SCYL2: variants seen among roughly 807,000 people sequenced by gnomAD.
SCYL2 encodes the protein SCY1 like pseudokinase 2.
Under a neutral mutation model 100.4 loss-of-function variants are expected in SCYL2, and 36 were observed. The observed-to-expected ratio is 0.36, with a 90% CI of 0.27 to 0.47. The LOEUF (loss-of-function observed/expected upper bound fraction) is 0.47, where lower values mean the gene tolerates loss of function less well. Among genes scored for constraint, SCYL2 ranks in the 20% least tolerant of loss-of-function variants. The pLI, the probability that SCYL2 is intolerant of heterozygous loss-of-function variation, is 1.00. For synonymous variants in SCYL2, 330 were observed against 359.2 expected (o/e 0.92, Z 0.92); for missense variants, 902 against 1,083.9 (o/e 0.83, Z 2.36).
At chr12:100,305,276 C>G (rs1202719235) in intron 4 of SCYL2, among the ~76,000 whole-genome samples, 3 of 152,156 alleles carry the variant, frequency 2.0e-5, no homozygotes, top group South Asian at 2.1e-4. Flanking sequence ...TCAGCAAATG[C>G]AAAAGAATGG....
At chr12:100,287,934 G>A (rs2096306190) in intron 2 of SCYL2, among the ~76,000 whole-genome samples, 1 of 152,192 alleles carries the variant, frequency 6.6e-6, no homozygotes, top group Admixed American at 6.5e-5. Flanking sequence ...GAGTTCTGTG[G>A]TAGATACAGA....
In SCYL2 at chr12:100,267,408, G is replaced by A. The variant is rs1299787495; in HGVS notation, c.-413G>A. On this transcript the variant is annotated 5_prime_UTR_variant, in exon 1 of 18. Coordinates refer to ENST00000360820, the MANE Select transcript of SCYL2 (RefSeq NM_017988.6). ...GGAAGAAGGAAGAGGTAAGTGACCG[G>A]CCGCCGGCACCGACCGACCTCCCTC... 1.4e-5 allele frequency: 3 copies of A among 212,630 alleles called. No homozygotes were observed. The highest frequency in any genetic ancestry group is 1.1e-4 in the East Asian group (1 of 8,782). The allele number at this position is 212,630 out of a possible 1,614,324, so 13.2% of individuals were successfully genotyped here.
chr12:100,286,744 A>AG (rs1373190257), intron 2 of SCYL2, among the ~76,000 whole-genome samples: 2 of 151,948 alleles, frequency 1.3e-5, no homozygotes, highest in African/African-American at 4.8e-5. Context: ...TTCATGGATG[A>AG]GGCTTGCTAA....
At chr12:100,295,806 A>C in intron 3 of SCYL2, among the ~76,000 whole-genome samples, 1 of 151,672 alleles carries the variant, frequency 6.6e-6, no homozygotes, top group Admixed American at 6.6e-5. Flanking sequence ...GGAGAGCTGG[A>C]TTTCAAAGCT....
Position 100,282,386 on chromosome 12 carries a change from C to T in SCYL2, c.-28-557C>T, listed in dbSNP as rs976827940. Among the ~76,000 whole-genome samples the T allele has an allele frequency of 8.5e-4, 98 of 115,254 alleles. 4 individuals are homozygous for T. Among genetic ancestry groups the T allele is most frequent in the African/African-American group, 2.9e-3 (86 of 29,368 alleles). The allele number at this position is 115,254 out of a possible 152,430, so 75.6% of individuals were successfully genotyped here. On this transcript the variant is annotated intron_variant, in intron 1 of 17. Transcript: ENST00000360820. ...TGTCACCAAGGCTGGAGTGCTGTGG[C>T]GCAATCCTGGCTCACTGCAACCTCC...
At chr12:100,282,856 G>C in intron 1 of SCYL2, 87 bp from the exon 2 acceptor site, 2 of 589,196 alleles carry the variant, frequency 3.4e-6, no homozygotes, top group Non-Finnish European at 5.6e-6. Context: ...CTGTTTGGGA[G>C]ATCTTACACT....
intron 3 of SCYL2, among the ~76,000 whole-genome samples, chr12:100,295,399 C>T (rs1052957850): frequency 3.3e-5 from 5 of 152,184 alleles, no homozygotes; most frequent in Admixed American, 2.6e-4. Context: ...GCACTCCAGC[C>T]GGGGCACCAT....
At chr12:100,305,716 G>GTTT (rs144928837) in intron 4 of SCYL2, among the ~76,000 whole-genome samples, 4 of 126,810 alleles carry the variant, frequency 3.2e-5, no homozygotes, top group Non-Finnish European at 6.6e-5. Flanking sequence ...CTAGGAGCTG[G>GTTT]TTTTTTTTTT....
intron 2 of SCYL2, 45 bp from the exon 3 acceptor site, chr12:100,291,454 ATTAC>A (rs756887470): frequency 1.5e-5 from 18 of 1,237,524 alleles, no homozygotes; most frequent in East Asian, 7.5e-5. Flanking sequence ...ATATAATTTT[ATTAC>A]TTTTCTATAT....
chr12:100,285,777 T>A (rs866660958), intron 2 of SCYL2, among the ~76,000 whole-genome samples: 2 of 152,240 alleles, frequency 1.3e-5, no homozygotes, highest in Admixed American at 1.3e-4. Context: ...AATGGTCATT[T>A]GAATATAGGT....
chr12:100,329,325 A>T lies in SCYL2; in HGVS notation c.1761+6A>T. 1 of 1,348,894 alleles carries T rather than the reference A, an allele frequency of 7.4e-7. No homozygotes were observed. Among genetic ancestry groups the T allele is most frequent in the Admixed American group, 1.7e-5 (1 of 59,396 alleles). 83.6% of individuals were successfully genotyped at this position (1,348,894 alleles called of 1,614,324 possible). On this transcript the variant is annotated splice_donor_region_variant and intron_variant, in intron 13 of 17. Coordinates refer to ENST00000360820, the MANE Select transcript of SCYL2 (RefSeq NM_017988.6). The stretch of plus-strand genomic sequence containing the variant: ...ACAATCTTAATCTTAATCAGGTAGG[A>T]GTATTTTTGTGCTTTATTCATTTTA...
At chr12:100,335,543 T>C (rs946566143) in intron 14 of SCYL2, 82 bp from the exon 15 acceptor site, 1 of 981,478 alleles carries the variant, frequency 1.0e-6, no homozygotes, top group African/African-American at 1.6e-5. Flanking sequence ...ATAAATTCCA[T>C]GTGAATAAAT....
chr12:100,287,957 G>A (rs985372316), intron 2 of SCYL2, among the ~76,000 whole-genome samples: 4 of 152,124 alleles, frequency 2.6e-5, no homozygotes, highest in African/African-American at 4.8e-5. Flanking sequence ...CACATAAGAC[G>A]TTGTTTCTTT....
intron 2 of SCYL2, among the ~76,000 whole-genome samples, chr12:100,289,847 T>C (rs1026653311): frequency 6.6e-6 from 1 of 152,208 alleles, no homozygotes; most frequent in Non-Finnish European, 1.5e-5. Context: ...TCACATCATT[T>C]TGTTTAGCTT....
chr12:100,315,460 A>G, intron 8 of SCYL2, 98 bp from the exon 9 acceptor site: 1 of 940,678 alleles, frequency 1.1e-6, no homozygotes, highest in African/African-American at 1.7e-5. Context: ...TCGTCACGTT[A>G]CCTAAAGGGA....
intron 13 of SCYL2, 65 bp from the exon 14 acceptor site, chr12:100,334,101 C>A: frequency 1.1e-6 from 1 of 934,898 alleles, no homozygotes. Flanking sequence ...ACTGAATTAT[C>A]TTAATTGATT....
chr12:100,291,768 C>CGGG lies in SCYL2; in HGVS notation c.335+108_335+109insGGG, dbSNP rs149796040. On this transcript the variant is annotated intron_variant, in intron 3 of 17. Transcript: ENST00000360820. Reference sequence around the variant, plus strand: ...ATTGTCAGTGAAAAATTCTTATACTCTAAGTGTTGAGTTCTTATGCATTAG... The same window carrying CGGG: ...ATTGTCAGTGAAAAATTCTTATACTCGGGTAAGTGTTGAGTTCTTATGCATTAG... The CGGG allele has an allele frequency of 9.9e-4, 1,063 of 1,069,082 alleles. 19 individuals are homozygous for CGGG. The East Asian group carries it at 0.028, about 29-fold the overall frequency. The allele number at this position is 1,069,082 out of a possible 1,614,324, so 66.2% of individuals were successfully genotyped here.
chr12:100,327,175 AT>A, intron 12 of SCYL2: 1 of 404,478 alleles, frequency 2.5e-6, no homozygotes, highest in Non-Finnish European at 5.0e-6. Context: ...TATTGTTTCT[AT>A]TTTATAAGGA....
At chr12:100,284,270 A>G (rs999425260) in intron 2 of SCYL2, among the ~76,000 whole-genome samples, 4 of 152,324 alleles carry the variant, frequency 2.6e-5, no homozygotes, top group African/African-American at 7.2e-5. Context: ...TGGAGCTTCT[A>G]GAACATGAGA....
Sources: allele counts gnomAD v4.1 joint callset (sites outside exome capture counted in the v4.1 genomes callset), GRCh38; gene constraint gnomAD v4.1.1; transcripts MANE v1.5; gene names NCBI Gene and HGNC (gene_info 2026-07-23, HGNC 2026-07-21).